SPRY3: variants seen among roughly 807,000 people sequenced by gnomAD.
SPRY3 encodes the protein sprouty RTK signaling antagonist 3, also known as protein sprouty homolog 3.
A neutral mutation model predicts 20.2 loss-of-function variants in SPRY3; 15 were observed. That is an observed-to-expected ratio of 0.74 (90% confidence interval 0.50 to 1.14). The LOEUF (loss-of-function observed/expected upper bound fraction) is 1.14, where lower values mean the gene tolerates loss of function less well. Among genes scored for constraint, SPRY3 ranks in the 50% most tolerant of loss-of-function variants. The probability of loss-of-function intolerance (pLI) is 0.00; values close to 1 mark genes in which losing one functional copy is unlikely to be tolerated. For synonymous variants in SPRY3, 143 were observed against 136.5 expected (o/e 1.05, Z -0.33); for missense variants, 364 against 363.9 (o/e 1.00, Z 0.00).
At position 155,758,603 on chromosome X, in the gene SPRY3, T is replaced by C. The variant is rs2091292200; in HGVS notation, c.-281-9359T>C. The stretch of plus-strand genomic sequence containing the variant: ...AGCTCCTGCTGACTTCAATAGAATA[T>C]GGATAGAGCTGGCCTCCTATAGGAA... On this transcript the variant is annotated intron_variant, in intron 2 of 3. Transcript: ENST00000675360. 2.0e-5 allele frequency among the ~76,000 whole-genome samples: 3 copies of C among 152,206 alleles called. No individual in the cohort carries two copies. The South Asian group carries it at 6.2e-4, about 32-fold the overall frequency.
intron 2 of SPRY3, among the ~76,000 whole-genome samples, chrX:155,759,088 T>A (rs2091294418): frequency 6.6e-6 from 1 of 151,062 alleles, no homozygotes; most frequent in African/African-American, 2.4e-5. Context: ...TTTTTTTGAC[T>A]CTTACACTGT....
chrX:155,636,951 A>G (rs990869930), intron 1 of SPRY3, among the ~76,000 whole-genome samples: 18 of 102,547 alleles, frequency 1.8e-4, no homozygotes, highest in African/African-American at 6.1e-4. Flanking sequence ...ACCAAACACC[A>G]CATATTCTCA....
At chrX:155,708,277 T>C (rs1260415004) in intron 2 of SPRY3, among the ~76,000 whole-genome samples, 1 of 151,488 alleles carries the variant, frequency 6.6e-6, no homozygotes, top group Non-Finnish European at 1.5e-5. Context: ...TGAAAGATAA[T>C]TCTGAATAAC....
intron 2 of SPRY3, among the ~76,000 whole-genome samples, chrX:155,664,644 T>C (rs2068019255): frequency 9.0e-6 from 1 of 110,649 alleles, no homozygotes; most frequent in Admixed American, 9.7e-5. Flanking sequence ...TGTTAGGATA[T>C]TTGGTTACCC....
chrX:155,676,293 T>C (rs372154885), intron 2 of SPRY3, among the ~76,000 whole-genome samples: 1 of 111,780 alleles, frequency 8.9e-6, no homozygotes, highest in African/African-American at 3.2e-5. Flanking sequence ...TGTTCTAATA[T>C]ATCCAGTGTG....
Position 155,709,896 on chromosome X carries a change from C to G in SPRY3, c.-282+52871C>G, listed in dbSNP as rs1476236526. Among the ~76,000 whole-genome samples, 7 of 151,628 alleles carry G rather than the reference C, an allele frequency of 4.6e-5. No homozygotes were observed. In the South Asian group the frequency reaches 8.3e-4, roughly 18 times the overall value. ...CTGCTTATGTATATCCACTATTCCCCTCAGCATTTATTGAAGAGACTTCCT... is the reference window on the plus strand; with the variant it reads ...CTGCTTATGTATATCCACTATTCCCGTCAGCATTTATTGAAGAGACTTCCT... On this transcript the variant is annotated intron_variant, in intron 2 of 3. Transcript: ENST00000675360.
At chrX:155,753,949 G>T (rs1479363120) in intron 2 of SPRY3, among the ~76,000 whole-genome samples, 2 of 151,822 alleles carry the variant, frequency 1.3e-5, no homozygotes, top group African/African-American at 4.8e-5. Context: ...CTTTGTTTTA[G>T]TTGTTGAGTT....
At chrX:155,771,600 A>C (rs1362303078) in intron 3 of SPRY3, among the ~76,000 whole-genome samples, 1 of 152,130 alleles carries the variant, frequency 6.6e-6, no homozygotes, top group Non-Finnish European at 1.5e-5. Flanking sequence ...ATTTCTCATA[A>C]ATTTGTCAAA....
At chrX:155,761,850 T>C (rs559890540) in intron 2 of SPRY3, among the ~76,000 whole-genome samples, 1 of 152,192 alleles carries the variant, frequency 6.6e-6, no homozygotes, top group African/African-American at 2.4e-5. Flanking sequence ...TATATGATTC[T>C]TCTTTATCCT....
intron 2 of SPRY3, among the ~76,000 whole-genome samples, chrX:155,700,294 G>T (rs1021807163): frequency 1.8e-5 from 1 of 57,061 alleles, no homozygotes; most frequent in Non-Finnish European, 3.0e-5. Flanking sequence ...AAAATAACAA[G>T]TGTTGTTGAG....
chrX:155,768,252 TTGGGCGCGCGCGCGCAAGCGCA>T (rs1342828086), intron 3 of SPRY3, 116 bp downstream of exon 2: 3 of 151,438 alleles, frequency 2.0e-5, no homozygotes, highest in East Asian at 2.0e-4. Flanking sequence ...TGCCGCGCGC[TTGGGCGCGCGCGCGCAAGCGCA>T]TGGATAAAAT....
At chrX:155,682,158 T>C (rs2068075605) in intron 2 of SPRY3, among the ~76,000 whole-genome samples, 1 of 112,273 alleles carries the variant, frequency 8.9e-6, no homozygotes, top group Non-Finnish European at 1.9e-5. Context: ...TGGTCATTTA[T>C]CATTCTGAAA....
At chrX:155,679,266 T>A (rs2068066645) in intron 2 of SPRY3, among the ~76,000 whole-genome samples, 1 of 111,586 alleles carries the variant, frequency 9.0e-6, no homozygotes, top group Non-Finnish European at 1.9e-5. Context: ...AATAAGACTG[T>A]CAATCTATTC....
chrX:155,674,254 A>G (rs1395028979), intron 2 of SPRY3, among the ~76,000 whole-genome samples: 1 of 110,521 alleles, frequency 9.0e-6, no homozygotes, highest in Non-Finnish European at 1.9e-5. Context: ...TGCTGAAATG[A>G]TTAATATCTT....
At chrX:155,733,307 A>G (rs1024221231) in intron 2 of SPRY3, among the ~76,000 whole-genome samples, 6 of 150,984 alleles carry the variant, frequency 4.0e-5, no homozygotes, top group African/African-American at 1.5e-4. Flanking sequence ...TACACATAGT[A>G]GGTGGGTATG....
At chrX:155,779,820 A>C (rs2091453014), downstream of SPRY3, 1 of 167,054 alleles carries the variant, frequency 6.0e-6, no homozygotes, top group South Asian at 2.1e-4. Context: ...ATTCACATAT[A>C]CAATAGTTCC....
intron 2 of SPRY3, among the ~76,000 whole-genome samples, chrX:155,730,981 A>C (rs1001823401): frequency 5.9e-5 from 9 of 152,086 alleles, no homozygotes; most frequent in Admixed American, 5.2e-4. Flanking sequence ...AATGAAAACT[A>C]TAAAATATTG....
At chrX:155,729,529 C>T (rs2091119687) in intron 2 of SPRY3, among the ~76,000 whole-genome samples, 1 of 151,924 alleles carries the variant, frequency 6.6e-6, no homozygotes, top group South Asian at 2.1e-4. Flanking sequence ...AATGGGAACA[C>T]AACATATGAA....
intron 3 of SPRY3, among the ~76,000 whole-genome samples, chrX:155,770,524 A>G (rs940966091): frequency 1.1e-4 from 16 of 152,142 alleles, no homozygotes; most frequent in African/African-American, 3.9e-4. Flanking sequence ...TGCATCATTC[A>G]TTACTGCAGA....
Sources: allele counts gnomAD v4.1 joint callset (sites outside exome capture counted in the v4.1 genomes callset), GRCh38; gene constraint gnomAD v4.1.1; transcripts MANE v1.5; gene names NCBI Gene and HGNC (gene_info 2026-07-23, HGNC 2026-07-21).